The following RIC8B variants were observed in gnomAD, a reference collection of about 807,000 sequenced individuals.
The protein encoded by RIC8B is RIC8 guanine nucleotide exchange factor B, also known as chaperone Ric-8B.
In RIC8B, 16 loss-of-function variants were observed where a neutral mutation model predicts 57.5. That is an observed-to-expected ratio of 0.28 (90% CI 0.19 to 0.42). The LOEUF (loss-of-function observed/expected upper bound fraction) is 0.42, where lower values mean the gene tolerates loss of function less well. Among genes scored for constraint, RIC8B ranks in the 10% least tolerant of loss-of-function variants. RIC8B has a pLI of 1.00. For synonymous variants in RIC8B, 216 were observed against 250.8 expected, an observed-to-expected ratio of 0.86 and a Z score of 1.31; for missense variants, 481 against 677.0, an observed-to-expected ratio of 0.71 and a Z score of 3.21.
chr12:106,827,504 C>G (rs936650323), intron 4 of RIC8B, among the ~76,000 whole-genome samples: 2 of 152,108 alleles, frequency 1.3e-5, no homozygotes, highest in African/African-American at 4.8e-5. Context: ...TCAATTAAAT[C>G]CATATTATTT....
At chr12:106,780,988 G>A (rs1365343917) in intron 1 of RIC8B, among the ~76,000 whole-genome samples, 3 of 152,198 alleles carry the variant, frequency 2.0e-5, no homozygotes, top group Admixed American at 2.0e-4. Context: ...CAAACTCAAG[G>A]TTGTCTGACT....
chr12:106,805,441 A>G (rs918153442), intron 2 of RIC8B, among the ~76,000 whole-genome samples: 2 of 152,108 alleles, frequency 1.3e-5, no homozygotes, highest in Non-Finnish European at 2.9e-5. Flanking sequence ...AGGCTGCAGT[A>G]AGTCATAATG....
intron 6 of RIC8B, among the ~76,000 whole-genome samples, chr12:106,846,390 G>A (rs1229025736): frequency 6.6e-6 from 1 of 151,858 alleles, no homozygotes; most frequent in African/African-American, 2.4e-5. Context: ...TGTATTTATG[G>A]TCAAGATTTA....
chr12:106,806,705 G>A (rs1275441685), intron 2 of RIC8B, among the ~76,000 whole-genome samples: 6 of 151,972 alleles, frequency 3.9e-5, no homozygotes, highest in South Asian at 4.2e-4. Flanking sequence ...TGGTGCGCGC[G>A]TGTAATCCCA....
At chr12:106,788,565 A>G (rs1462727514) in intron 2 of RIC8B, among the ~76,000 whole-genome samples, 3 of 152,218 alleles carry the variant, frequency 2.0e-5, no homozygotes, top group African/African-American at 4.8e-5. Flanking sequence ...ATATAGGTGG[A>G]GGTTCCCAAA....
intron 2 of RIC8B, among the ~76,000 whole-genome samples, chr12:106,797,379 C>T (rs961900337): frequency 3.9e-5 from 6 of 152,100 alleles, no homozygotes; most frequent in African/African-American, 1.2e-4. Context: ...TTATGTTACA[C>T]GAAAGATACC....
At chr12:106,814,251 A>T (rs1411521194) in intron 2 of RIC8B, among the ~76,000 whole-genome samples, 2 of 152,150 alleles carry the variant, frequency 1.3e-5, no homozygotes, top group East Asian at 3.9e-4. Flanking sequence ...ATTTTTTATC[A>T]GTTTGTCAGC....
chr12:106,868,236 T>TGATC (rs2136567214), intron 8 of RIC8B: 1 of 453,862 alleles, frequency 2.2e-6, no homozygotes, highest in East Asian at 7.0e-5. Flanking sequence ...CTGAAGCATG[T>TGATC]GATCATGTGT....
At chr12:106,806,589 T>C (rs557227087) in intron 2 of RIC8B, among the ~76,000 whole-genome samples, 1 of 152,258 alleles carries the variant, frequency 6.6e-6, no homozygotes, top group Non-Finnish European at 1.5e-5. Context: ...CCCAGCACTT[T>C]GGGAGGCTGA....
At position 106,876,005 on chromosome 12, in the gene RIC8B, A is replaced by T. The variant is rs112644736; in HGVS notation, c.1571+5063A>T. Among the ~76,000 whole-genome samples the T allele has an allele frequency of 2.0e-5, 3 of 152,316 alleles. 1 individual carries two copies. The highest frequency in any genetic ancestry group is 7.2e-5 in the African/African-American group (3 of 41,590). ...TACAAAAATATCAACGACTGTGATT[A>T]TACCTACCTTTGTGATAAGTTAGTT... On this transcript the variant is annotated intron_variant, in intron 9 of 9. Transcript: ENST00000392837.
chr12:106,828,412 G>T (rs764980105), intron 4 of RIC8B, among the ~76,000 whole-genome samples: 2 of 152,134 alleles, frequency 1.3e-5, no homozygotes, highest in East Asian at 3.8e-4. Context: ...TTTTCTCTGT[G>T]TGTGTGTTTT....
chr12:106,843,542 G>A (rs1390731234), intron 5 of RIC8B, among the ~76,000 whole-genome samples: 1 of 151,564 alleles, frequency 6.6e-6, no homozygotes, highest in African/African-American at 2.4e-5. Flanking sequence ...CTAACATGGT[G>A]AAACCCCATC....
At position 106,803,214 on chromosome 12, in the gene RIC8B, T is replaced by TAAAAAAAAAAAAAAAAAA. The variant is rs758690591; in HGVS notation, c.133-11482_133-11481insAAAAAAAAAAAAAAAAAA. On this transcript the variant is annotated intron_variant, in intron 2 of 9. Transcript: ENST00000392837. ...GTGACAAGAGTGATGATACCCTGTC[T>TAAAAAAAAAAAAAAAAAA]CAAAAAAAAAAAAAAAAAAAAAAAG... Among the ~76,000 whole-genome samples the TAAAAAAAAAAAAAAAAAA allele has an allele frequency of 3.6e-5, 3 of 84,278 alleles. 1 individual carries two copies. The highest frequency in any genetic ancestry group is 5.0e-5 in the African/African-American group (1 of 20,010). The allele number at this position is 84,278 out of a possible 152,430, so 55.3% of individuals were successfully genotyped here. A position where few individuals can be genotyped will look rare whatever the true frequency, so the allele number is the denominator to read the frequency against.
rs1445954803 is a variant in RIC8B, at chr12:106,887,620, A to G, written c.*1605A>G. On this transcript the variant is annotated 3_prime_UTR_variant, in exon 10 of 10. Transcript: ENST00000392837. ...GCATACGCTTCCAACATGTTTTATT[A>G]GCTGGCTTTGAAGCTCACAAAAGAA... The G allele has an allele frequency of 3.3e-5, 5 of 152,242 alleles. No homozygotes were observed. The highest frequency in any genetic ancestry group is 5.9e-5 in the Non-Finnish European group (4 of 68,042). The allele number at this position is 152,242 out of a possible 1,614,324, so 9.4% of individuals were successfully genotyped here.
At chr12:106,824,066 G>A (rs1367410271) in intron 3 of RIC8B, among the ~76,000 whole-genome samples, 3 of 152,154 alleles carry the variant, frequency 2.0e-5, no homozygotes, top group Non-Finnish European at 4.4e-5. Context: ...CAGTCTCAGT[G>A]TCTCTGTCAT....
chr12:106,874,314 G>A (rs900346265), intron 9 of RIC8B, among the ~76,000 whole-genome samples: 5 of 152,082 alleles, frequency 3.3e-5, no homozygotes, highest in African/African-American at 9.7e-5. Flanking sequence ...CAACCAAGTC[G>A]TTATTGTGCT....
chr12:106,844,138 G>T (rs1410541739), intron 6 of RIC8B, among the ~76,000 whole-genome samples, 191 bp downstream of exon 6: 1 of 152,188 alleles, frequency 6.6e-6, no homozygotes, highest in Non-Finnish European at 1.5e-5. Context: ...ACCGAGATCT[G>T]CTGTGTGTGC....
chr12:106,837,088 G>T (rs934385250), intron 4 of RIC8B, among the ~76,000 whole-genome samples: 1 of 152,184 alleles, frequency 6.6e-6, no homozygotes, highest in Non-Finnish European at 1.5e-5. Flanking sequence ...ACCCGGCCGG[G>T]CGCAGTGGCG....
chr12:106,813,775 G>A (rs1052480978), intron 2 of RIC8B, among the ~76,000 whole-genome samples: 1 of 152,098 alleles, frequency 6.6e-6, no homozygotes, highest in African/African-American at 2.4e-5. Context: ...ATGTAAGGGA[G>A]TACAGAAATG....
Sources: allele counts gnomAD v4.1 joint callset (sites outside exome capture counted in the v4.1 genomes callset), GRCh38; gene constraint gnomAD v4.1.1; transcripts MANE v1.5; gene names NCBI Gene and HGNC (gene_info 2026-07-23, HGNC 2026-07-21).